Variants in SLC22A23 observed in about 807,000 individuals in gnomAD.
SLC22A23 encodes the protein solute carrier family 22 member 23.
Under a neutral mutation model 61.0 loss-of-function variants are expected in SLC22A23, and 26 were observed. That is an observed-to-expected ratio of 0.43 (90% CI 0.31 to 0.59). The LOEUF is 0.59. Ranked by LOEUF, SLC22A23 falls within the 20% of genes least tolerant of loss-of-function variation. SLC22A23 has a pLI of 0.11. For synonymous variants in SLC22A23, 430 were observed against 413.9 expected (o/e 1.04, Z -0.47); for missense variants, 796 against 934.7 (o/e 0.85, Z 1.94).
chr6:3,443,062 G>GA (rs1407532183), intron 1 of SLC22A23, among the ~76,000 whole-genome samples: 7 of 152,302 alleles, frequency 4.6e-5, no homozygotes, highest in African/African-American at 1.7e-4. Flanking sequence ...TGTTCCCTGG[G>GA]AAAAGTAGGC....
intron 4 of SLC22A23, among the ~76,000 whole-genome samples, chr6:3,307,259 C>A (rs112073517): frequency 5.9e-5 from 9 of 152,196 alleles, no homozygotes; most frequent in African/African-American, 2.2e-4. Flanking sequence ...CTCTGACCCC[C>A]CACATTCCAG....
chr6:3,309,818 C>T lies in SLC22A23; in HGVS notation c.1083-11600G>A, dbSNP rs1021251574. ...GGAACTACAGTCAGAAGGGCATCTC[C>T]GGATTGCACTTAACCCAGCCCCTCA... On this transcript the variant is annotated intron_variant, in intron 4 of 9. Coordinates refer to ENST00000406686, the MANE Select transcript of SLC22A23 (RefSeq NM_015482.2). The surrounding 1 kb of genome is among the most constrained non-coding windows in gnomAD (Gnocchi z 4.7). Among the ~76,000 whole-genome samples, 3 of 152,288 alleles carry T rather than the reference C, an allele frequency of 2.0e-5. No homozygotes were observed. The highest frequency in any genetic ancestry group is 4.8e-5 in the African/African-American group (2 of 41,550).
intron 1 of SLC22A23, among the ~76,000 whole-genome samples, chr6:3,441,917 G>A (rs1771622760): frequency 6.6e-6 from 1 of 152,170 alleles, no homozygotes; most frequent in South Asian, 2.1e-4. Flanking sequence ...GCCTCTGAAG[G>A]GGAGGGCACG....
At chr6:3,341,388 G>A (rs998721083) in intron 3 of SLC22A23, among the ~76,000 whole-genome samples, 2 of 152,130 alleles carry the variant, frequency 1.3e-5, no homozygotes, top group Non-Finnish European at 2.9e-5. Flanking sequence ...AGGTTTAGAG[G>A]ACACACCTGA....
In SLC22A23 at chr6:3,286,748, CAGCAGTAG is replaced by C. The variant is rs1489748512; in HGVS notation, c.1546+103_1546+110del. The C allele has an allele frequency of 1.5e-5, 14 of 965,004 alleles. No homozygotes were observed. Among genetic ancestry groups the C allele is most frequent in the Non-Finnish European group, 1.9e-5 (12 of 642,474 alleles). The allele number at this position is 965,004 out of a possible 1,614,324, so 59.8% of individuals were successfully genotyped here. A position where few individuals can be genotyped will look rare whatever the true frequency, so the allele number is the denominator to read the frequency against. On this transcript the variant is annotated intron_variant, in intron 7 of 9. Transcript: ENST00000406686. This position sits in a 1 kb window ranked among gnomAD's most constrained non-coding sequence, Gnocchi z 4.2. The stretch of plus-strand genomic sequence containing the variant: ...CTGTTCTCCCCAAAGCAGCTCCTTC[CAGCAGTAG>C]ATTTTAGAGTGGCCAGCGGAGTCTT...
Position 3,298,270 on chromosome 6 carries a change from C to T in SLC22A23, c.1083-52G>A, listed in dbSNP as rs373055213. The T allele has an allele frequency of 4.8e-5, 74 of 1,552,278 alleles. 1 individual carries two copies. The highest frequency in any genetic ancestry group is 4.1e-4 in the African/African-American group (29 of 71,402). On this transcript the variant is annotated intron_variant, in intron 4 of 9. Transcript: ENST00000406686. ...AATGTCTTCCGATTCTGCACGGCAC[C>T]GGGAAGTGTGGCTTAGGTGTGGCCC...
intron 1 of SLC22A23, among the ~76,000 whole-genome samples, chr6:3,451,068 CAAATACAG>C (rs1034222570): frequency 6.6e-6 from 1 of 152,026 alleles, no homozygotes; most frequent in African/African-American, 2.4e-5. Context: ...TCCTACATTT[CAAATACAG>C]AAAAAATTGG....
At chr6:3,337,478 C>T (rs1220486508) in intron 3 of SLC22A23, among the ~76,000 whole-genome samples, 1 of 150,428 alleles carries the variant, frequency 6.6e-6, no homozygotes, top group South Asian at 2.1e-4. Flanking sequence ...CCTGCCTTGT[C>T]CTGCCCCCAG....
intron 3 of SLC22A23, among the ~76,000 whole-genome samples, chr6:3,337,445 CCT>C (rs1491178603): frequency 2.7e-5 from 4 of 145,946 alleles, no homozygotes; most frequent in African/African-American, 1.1e-4. Context: ...GTTACAATTC[CCT>C]TTTTTTTTTT....
intron 3 of SLC22A23, among the ~76,000 whole-genome samples, chr6:3,366,332 C>CAAAAAAAAAAA (rs11387672): frequency 1.1e-4 from 8 of 74,156 alleles, no homozygotes; most frequent in African/African-American, 1.9e-4. Flanking sequence ...GACTCTGTCT[C>CAAAAAAAAAAA]AAAAAAAAAA....
chr6:3,353,482 C>T (rs1327301024), intron 3 of SLC22A23, among the ~76,000 whole-genome samples: 1 of 152,204 alleles, frequency 6.6e-6, no homozygotes, highest in African/African-American at 2.4e-5. Flanking sequence ...TGCCGTGACC[C>T]TCATGCTGGG....
At position 3,456,171 on chromosome 6, in the gene SLC22A23, C is replaced by T. The variant is rs954566589; in HGVS notation, c.389G>A (p.Gly130Glu). Residue 130 changes from glycine (G) to glutamate (E), a missense_variant, in exon 1 of 10, where the codon GGG becomes GAG. By Grantham distance (98) the Gly-to-Glu change is moderately conservative. Transcript: ENST00000406686. The surrounding 1 kb of genome is among the most constrained non-coding windows in gnomAD (Gnocchi z 7.1). ...TGCCAGCTCGGTGCCTTTGCCGGCCCCGCGGCACCAGAAGTTGGGCTGGTC... is the reference window on the plus strand; with the variant it reads ...TGCCAGCTCGGTGCCTTTGCCGGCCTCGCGGCACCAGAAGTTGGGCTGGTC... ...LLDQPNFWCR[G>E]AGKGTELAGV... The T allele has an allele frequency of 6.4e-7, 1 of 1,551,332 alleles. No individual in the cohort carries two copies. Among genetic ancestry groups the T allele is most frequent in the Non-Finnish European group, 8.7e-7 (1 of 1,146,858 alleles).
chr6:3,435,107 G>A (rs1329076265), intron 1 of SLC22A23, among the ~76,000 whole-genome samples: 1 of 152,078 alleles, frequency 6.6e-6, no homozygotes, highest in African/African-American at 2.4e-5. Flanking sequence ...CTACCCAGAG[G>A]GGCAGTGTGC....
At position 3,411,139 on chromosome 6, in the gene SLC22A23, AATGGGG is replaced by A. The variant is rs1229772294; in HGVS notation, c.759-803_759-798del. Among the ~76,000 whole-genome samples, 187 of 152,306 alleles carry A rather than the reference AATGGGG, an allele frequency of 1.2e-3. 2 individuals are homozygous for A. Among genetic ancestry groups the A allele is most frequent in the African/African-American group, 4.4e-3 (181 of 41,578 alleles). On this transcript the variant is annotated intron_variant, in intron 2 of 9. Coordinates refer to ENST00000406686, the MANE Select transcript of SLC22A23 (RefSeq NM_015482.2). ...AGGACAGTAGAGGGTGGTCCACAAG[AATGGGG>A]AAGTCACCAGTTCCTGTGGCCCCAT... is the stretch of plus-strand genomic sequence containing the variant.
At chr6:3,345,368 T>C (rs867887009) in intron 3 of SLC22A23, among the ~76,000 whole-genome samples, 48 of 147,936 alleles carry the variant, frequency 3.2e-4, no homozygotes, top group Middle Eastern at 3.4e-3. Context: ...CTTTTCTTTT[T>C]TTTTTTTTTT....
chr6:3,434,235 C>T (rs1417123374), intron 1 of SLC22A23, among the ~76,000 whole-genome samples: 5 of 151,736 alleles, frequency 3.3e-5, no homozygotes, highest in Admixed American at 6.6e-5. Flanking sequence ...ATCACTTGAA[C>T]CCGGGATGCG....
At chr6:3,423,249 T>C (rs1175215514) in intron 1 of SLC22A23, among the ~76,000 whole-genome samples, 1 of 152,088 alleles carries the variant, frequency 6.6e-6, no homozygotes, top group Admixed American at 6.6e-5. Context: ...TCCTCAGTGA[T>C]GTGTAGGATT....
intron 3 of SLC22A23, among the ~76,000 whole-genome samples, chr6:3,400,985 A>G (rs1436624808): frequency 1.3e-5 from 2 of 152,124 alleles, no homozygotes; most frequent in African/African-American, 4.8e-5. Context: ...AACATCTAAC[A>G]CTCTAAAAAA....
rs934977852 is a variant in SLC22A23, at chr6:3,367,870, A to C, written c.913+42318T>G. Among the ~76,000 whole-genome samples, 3 of 151,828 alleles carry C rather than the reference A, an allele frequency of 2.0e-5. No individual in the cohort carries two copies. In the South Asian group the frequency reaches 6.3e-4, roughly 32 times the overall value. Reference sequence around the variant, plus strand: ...TTCCTTCTGCTTAGTACAGGGAAAAACCCCGACACTGGACTCTGTGCTTTT... The same window carrying C: ...TTCCTTCTGCTTAGTACAGGGAAAACCCCCGACACTGGACTCTGTGCTTTT... On this transcript the variant is annotated intron_variant, in intron 3 of 9. Transcript: ENST00000406686.
Sources: gnomAD v4.1 joint callset for allele counts (sites outside exome capture counted in the v4.1 genomes callset) on GRCh38, gnomAD v4.1.1 for gene constraint, Gnocchi (gnomAD v3.1) non-coding constraint, MANE v1.5 for transcripts, NCBI Gene and HGNC (gene_info 2026-07-23, HGNC 2026-07-21) for gene names.